PHF2: variants seen among roughly 807,000 people sequenced by gnomAD.
PHF2 encodes the protein lysine-specific demethylase PHF2.
Under a neutral mutation model 120.5 loss-of-function variants are expected in PHF2, and 27 were observed. The observed-to-expected ratio is 0.22, with a 90% confidence interval of 0.17 to 0.31. The LOEUF (loss-of-function observed/expected upper bound fraction) is 0.31. Among genes scored for constraint, PHF2 ranks in the 10% least tolerant of loss-of-function variants. The pLI is 1.00. For missense variants in PHF2, 1,024 were observed against 1,434.8 expected (o/e 0.71, Z 4.63); for synonymous variants, 568 against 592.5 (o/e 0.96, Z 0.60).
At chr9:93,636,226 A>G (rs2398851) in intron 2 of PHF2, among the ~76,000 whole-genome samples, 185 bp from the exon 3 acceptor site, 98,103 of 151,600 alleles carry the variant, frequency 0.65, 32,257 homozygotes, top group African/African-American at 0.69. Context: ...AGGTCGAGGT[A>G]GGGGGTTGAC....
chr9:93,643,843 G>A (rs930875830), intron 3 of PHF2, among the ~76,000 whole-genome samples: 7 of 151,712 alleles, frequency 4.6e-5, no homozygotes, highest in African/African-American at 1.7e-4. Context: ...AAATGGCCCC[G>A]CCTCTGCCCC....
intron 1 of PHF2, among the ~76,000 whole-genome samples, chr9:93,628,328 T>G (rs1010233386): frequency 3.3e-5 from 5 of 152,226 alleles, no homozygotes; most frequent in African/African-American, 1.2e-4. Flanking sequence ...CTTTAAATGT[T>G]TGATAGAATT....
intron 2 of PHF2, among the ~76,000 whole-genome samples, chr9:93,631,487 G>C (rs1473821041): frequency 6.6e-6 from 1 of 152,208 alleles, no homozygotes; most frequent in Non-Finnish European, 1.5e-5. Flanking sequence ...CTGCATTTAT[G>C]CTCAGAATGC....
intron 10 of PHF2, among the ~76,000 whole-genome samples, chr9:93,658,594 G>A (rs1369240053): frequency 2.0e-5 from 3 of 152,160 alleles, no homozygotes; most frequent in African/African-American, 7.2e-5. Context: ...GGGACAGATG[G>A]CCTATGGTGG....
intron 1 of PHF2, among the ~76,000 whole-genome samples, chr9:93,587,986 G>A (rs1863088834): frequency 6.6e-6 from 1 of 152,190 alleles, no homozygotes; most frequent in Non-Finnish European, 1.5e-5. Flanking sequence ...GAAGGAGGTG[G>A]CTGTGTGGCG....
intron 1 of PHF2, among the ~76,000 whole-genome samples, chr9:93,585,420 T>C (rs775167468): frequency 1.3e-5 from 2 of 152,188 alleles, no homozygotes; most frequent in African/African-American, 2.4e-5. Context: ...ATTCCTAGAG[T>C]AGGGACAGCA....
At chr9:93,618,647 G>C (rs1226755496) in intron 1 of PHF2, among the ~76,000 whole-genome samples, 1 of 152,152 alleles carries the variant, frequency 6.6e-6, no homozygotes, top group Non-Finnish European at 1.5e-5. Context: ...GTCTTACCAT[G>C]TCAGTATGTA....
chr9:93,654,488 A>G lies in PHF2; in HGVS notation c.865A>G (p.Asn289Asp). The G allele has an allele frequency of 6.2e-7, 1 of 1,614,028 alleles. No homozygotes were observed. The highest frequency in any genetic ancestry group is 8.5e-7 in the Non-Finnish European group (1 of 1,180,012). ...SLYERWRSAS[N>D]HSEMFFADQV... ...GTATGAGCGCTGGCGGTCTGCCTCT[A>G]ACCACAGCGAGATGTTCTTTGCTGA... The change falls in exon 7 of 22, where the codon AAC (asparagine) becomes GAC (aspartate). Residue 289 changes from asparagine to aspartate, a missense_variant. Coordinates refer to ENST00000359246, the MANE Select transcript of PHF2 (RefSeq NM_005392.4).
intron 1 of PHF2, among the ~76,000 whole-genome samples, chr9:93,606,185 G>C (rs574561677): frequency 1.3e-5 from 2 of 152,030 alleles, no homozygotes; most frequent in Non-Finnish European, 2.9e-5. Context: ...GCCCAGGCTG[G>C]TCTTGAACTC....
intron 2 of PHF2, among the ~76,000 whole-genome samples, chr9:93,632,834 G>T (rs2131657274): frequency 6.6e-6 from 1 of 152,352 alleles, no homozygotes; most frequent in Admixed American, 6.5e-5. Flanking sequence ...ATTTTCAGTT[G>T]TTACTGAAGT....
intron 4 of PHF2, among the ~76,000 whole-genome samples, chr9:93,648,115 A>AT (rs1426055152): frequency 1.2e-5 from 1 of 82,870 alleles, no homozygotes; most frequent in African/African-American, 4.9e-5. Flanking sequence ...CCCACATTGC[A>AT]TTTTTTTATA....
intron 12 of PHF2, among the ~76,000 whole-genome samples, chr9:93,661,874 AAATG>A (rs1290569165): frequency 2.0e-5 from 3 of 149,846 alleles, no homozygotes; most frequent in Non-Finnish European, 3.0e-5. Flanking sequence ...ATGGATGAGC[AAATG>A]GATGGATGGA....
At chr9:93,653,433 G>GTCCCT in intron 6 of PHF2, 68 bp downstream of exon 6, 2 of 1,522,492 alleles carry the variant, frequency 1.3e-6, no homozygotes, top group African/African-American at 2.7e-5. Context: ...ATTGTCTGCA[G>GTCCCT]TCCCCACAAG....
At chr9:93,675,321 T>C (rs1826888725) in intron 19 of PHF2, among the ~76,000 whole-genome samples, 1 of 152,246 alleles carries the variant, frequency 6.6e-6, no homozygotes. Flanking sequence ...GGCAGCTCTG[T>C]GAGGGTCACC....
At chr9:93,661,789 T>A (rs1387923831) in intron 12 of PHF2, among the ~76,000 whole-genome samples, 2 of 150,756 alleles carry the variant, frequency 1.3e-5, no homozygotes, top group African/African-American at 4.9e-5. Flanking sequence ...GATAGATGAA[T>A]GGATGCATGG....
chr9:93,664,404 T>A (rs553871651), intron 14 of PHF2, among the ~76,000 whole-genome samples: 1 of 152,302 alleles, frequency 6.6e-6, no homozygotes, highest in Admixed American at 6.5e-5. Flanking sequence ...TGGGCCTGTG[T>A]GTGCTCCCGG....
chr9:93,609,663 T>G (rs1438943007), intron 1 of PHF2, among the ~76,000 whole-genome samples: 1 of 152,078 alleles, frequency 6.6e-6, no homozygotes, highest in African/African-American at 2.4e-5. Context: ...TCTCTGTAGG[T>G]AAGGTGTTTT....
At chr9:93,661,405 G>A (rs1262437298) in intron 12 of PHF2, among the ~76,000 whole-genome samples, 2 of 152,256 alleles carry the variant, frequency 1.3e-5, no homozygotes, top group Non-Finnish European at 2.9e-5. Flanking sequence ...CTGGATGAAT[G>A]GGTGAATGAA....
chr9:93,659,683 C>A, intron 11 of PHF2, 83 bp downstream of exon 11: 1 of 1,276,506 alleles, frequency 7.8e-7, no homozygotes, highest in Non-Finnish European at 1.1e-6. Context: ...AGGGGCCAGC[C>A]TAACACAGAG....
Sources: allele counts gnomAD v4.1 joint callset (sites outside exome capture counted in the v4.1 genomes callset), GRCh38; gene constraint gnomAD v4.1.1; transcripts MANE v1.5; gene names NCBI Gene and HGNC (gene_info 2026-07-23, HGNC 2026-07-21).